The following USH2A variants were observed in gnomAD, a reference collection of about 807,000 sequenced individuals.
The protein encoded by USH2A is Usher syndrome 2A (autosomal recessive, mild).
A neutral mutation model predicts 538.9 loss-of-function variants in USH2A; 443 were observed. That is an observed-to-expected ratio of 0.82 (90% confidence interval 0.76 to 0.89). The LOEUF (loss-of-function observed/expected upper bound fraction) is 0.89, where lower values mean the gene tolerates loss of function less well. Ranked by LOEUF, USH2A falls within the 40% of genes least tolerant of loss-of-function variation. The probability of loss-of-function intolerance (pLI) is 0.00; values close to 1 mark genes in which losing one functional copy is unlikely to be tolerated. For synonymous variants in USH2A, 2,413 were observed against 2,273.5 expected (o/e 1.06, Z -1.75); for missense variants, 6,633 against 6,324.8 (o/e 1.05, Z -1.65).
chr1:215,909,682 C>CA (rs1328444240), intron 38 of USH2A, among the ~76,000 whole-genome samples: 1 of 151,916 alleles, frequency 6.6e-6, no homozygotes, highest in Non-Finnish European at 1.5e-5. Flanking sequence ...GCAAAGTTAG[C>CA]ATGTTAGATG....
intron 35 of USH2A, among the ~76,000 whole-genome samples, chr1:215,988,938 A>G (rs1307050356): frequency 6.6e-6 from 1 of 152,192 alleles, no homozygotes; most frequent in African/African-American, 2.4e-5. Context: ...TTGGTTAAGG[A>G]TTACCATCAG....
intron 32 of USH2A, among the ~76,000 whole-genome samples, chr1:216,010,096 A>G (rs1052075982): frequency 1.3e-5 from 2 of 152,152 alleles, no homozygotes; most frequent in African/African-American, 4.8e-5. Context: ...TCTGGCCCTC[A>G]AACCCCACAA....
chr1:216,251,442 CT>C (rs779947689), intron 11 of USH2A, among the ~76,000 whole-genome samples: 1,033 of 80,290 alleles, frequency 0.013, 3 homozygotes, highest in African/African-American at 0.032. Flanking sequence ...ACCACTTCCC[CT>C]TTTTTTTTTT....
chr1:216,281,858 T>A (rs2036785262), intron 11 of USH2A, among the ~76,000 whole-genome samples: 1 of 142,778 alleles, frequency 7.0e-6, no homozygotes, highest in Admixed American at 7.8e-5. Flanking sequence ...AAATTTTGTT[T>A]TTGTCTGTTT....
At position 215,627,415 on chromosome 1, in the gene USH2A, TCC is replaced by T. The variant is rs1558027257; in HGVS notation, c.15519+1397_15519+1398del. On this transcript the variant is annotated intron_variant, in intron 71 of 71. Transcript: ENST00000307340. ...TTCCTTCCTTCCTTCCTTCCTTCCT[TCC>T]TTCCTTCCTTCCTTCCTTCCTTCCT... Among the ~76,000 whole-genome samples the T allele has an allele frequency of 1.2e-4, 14 of 116,422 alleles. 1 individual carries two copies. The highest frequency in any genetic ancestry group is 2.6e-4 in the Non-Finnish European group (14 of 54,062). 76.4% of individuals were successfully genotyped at this position (116,422 alleles called of 152,430 possible). A position where few individuals can be genotyped will look rare whatever the true frequency, so the allele number is the denominator to read the frequency against.
intron 22 of USH2A, among the ~76,000 whole-genome samples, chr1:216,093,210 G>A (rs1331692167): frequency 3.9e-5 from 6 of 152,022 alleles, no homozygotes; most frequent in East Asian, 3.9e-4. Context: ...TGATCCACCC[G>A]CCTCAGCCTC....
chr1:216,399,765 C>T (rs570435876), intron 3 of USH2A, among the ~76,000 whole-genome samples: 230 of 152,166 alleles, frequency 1.5e-3, no homozygotes, highest in Middle Eastern at 6.8e-3. Context: ...ATAGGCGGCC[C>T]GCTTTCACTG....
intron 35 of USH2A, among the ~76,000 whole-genome samples, chr1:215,978,320 T>G (rs1344172649): frequency 2.0e-5 from 3 of 152,128 alleles, no homozygotes; most frequent in African/African-American, 7.2e-5. Context: ...TAAATTTAGT[T>G]GTGGAAACTG....
At chr1:216,092,778 A>G (rs1451425222) in intron 22 of USH2A, among the ~76,000 whole-genome samples, 2 of 152,110 alleles carry the variant, frequency 1.3e-5, no homozygotes, top group Non-Finnish European at 2.9e-5. Context: ...AATGCATCTG[A>G]TTACATTTTC....
In USH2A at chr1:215,844,344, C is replaced by T; in HGVS notation, c.9208G>A (p.Gly3070Arg). 1.2e-6 allele frequency: 2 copies of T among 1,613,752 alleles called. No individual in the cohort carries two copies. Among genetic ancestry groups the T allele is most frequent in the Non-Finnish European group, 8.5e-7 (1 of 1,179,828 alleles). The change falls in exon 46 of 72, where the codon GGG (glycine) becomes AGG (arginine). Residue 3070 changes from glycine (G) to arginine (R), a missense_variant. By Grantham distance (125) the Gly-to-Arg change is moderately radical (BLOSUM62 -2). Transcript: ENST00000307340. The stretch of plus-strand genomic sequence containing the variant: ...GACAGGTCTCTCAGAATAAACGACC[C>T]AGGCACATTCATTCCAGTCTTGTAG... ...KLYKTGMNVP[G>R]SFILRDLSPF...
At chr1:215,845,016 T>C (rs1663800312) in intron 45 of USH2A, among the ~76,000 whole-genome samples, 3 of 152,156 alleles carry the variant, frequency 2.0e-5, no homozygotes, top group Admixed American at 1.3e-4. Context: ...TTGATTACCA[T>C]AGGTAATGAT....
chr1:216,153,036 G>A (rs546743050), intron 21 of USH2A, among the ~76,000 whole-genome samples: 14 of 152,150 alleles, frequency 9.2e-5, no homozygotes, highest in Admixed American at 3.9e-4. Flanking sequence ...ATTGGCCGCC[G>A]GATGCCCAAA....
chr1:216,085,484 G>C (rs1024042486), intron 24 of USH2A, among the ~76,000 whole-genome samples: 3 of 151,994 alleles, frequency 2.0e-5, no homozygotes, highest in African/African-American at 7.2e-5. Context: ...GGAGGAGAAG[G>C]TGCACTGAGG....
At chr1:215,651,571 T>C (rs1316008049) in intron 64 of USH2A, among the ~76,000 whole-genome samples, 4 of 152,054 alleles carry the variant, frequency 2.6e-5, no homozygotes, top group Non-Finnish European at 4.4e-5. Context: ...TTCTACATTA[T>C]ATATTTTCTA....
chr1:215,634,802 A>G, intron 69 of USH2A, 99 bp from the exon 70 acceptor site: 1 of 1,596,082 alleles, frequency 6.3e-7, no homozygotes. Flanking sequence ...AGGAGTTGAA[A>G]GCAGAAAGCA....
intron 21 of USH2A, among the ~76,000 whole-genome samples, chr1:216,148,028 C>A (rs1229596014): frequency 1.4e-5 from 2 of 144,078 alleles, no homozygotes; most frequent in East Asian, 2.1e-4. Context: ...CTGACACTGC[C>A]CGATCGCCTC....
intron 13 of USH2A, among the ~76,000 whole-genome samples, chr1:216,241,078 C>T (rs995532705): frequency 1.2e-4 from 18 of 152,050 alleles, no homozygotes; most frequent in Non-Finnish European, 1.3e-4. Context: ...TATTATATGG[C>T]ATAGCTGTAC....
At position 216,116,479 on chromosome 1, in the gene USH2A, C is replaced by G. The variant is rs150995427; in HGVS notation, c.4628-19266G>C. ...CATAATGGTAGAAAGTGTTCAATGA[C>G]CCAAAAGGACATTAAAGAATTTTAC... On this transcript the variant is annotated intron_variant, in intron 21 of 71. Transcript: ENST00000307340. 7.4e-3 allele frequency among the ~76,000 whole-genome samples: 1,129 copies of G among 152,106 alleles called. 8 individuals are homozygous for G. The highest frequency in any genetic ancestry group is 0.026 in the South Asian group (124 of 4,824).
intron 13 of USH2A, among the ~76,000 whole-genome samples, chr1:216,234,099 A>C (rs928001293): frequency 1.3e-5 from 2 of 152,224 alleles, no homozygotes. Flanking sequence ...ATGAGCAAAA[A>C]GTGAATCTAT....
Sources: allele counts gnomAD v4.1 joint callset (sites outside exome capture counted in the v4.1 genomes callset), GRCh38; gene constraint gnomAD v4.1.1; transcripts MANE v1.5; gene names NCBI Gene and HGNC (gene_info 2026-07-23, HGNC 2026-07-21).